Variants in TAS2R1 observed in about 807,000 individuals in gnomAD.
The protein encoded by TAS2R1 is taste receptor type 2 member 1.
For missense variants in TAS2R1, 370 were observed against 353.4 expected (o/e 1.05, Z -0.38); for synonymous variants, 141 against 134.2 (o/e 1.05, Z -0.35).
chr5:9,713,591 G>C (rs1340255424), upstream of TAS2R1, among the ~76,000 whole-genome samples: 3 of 152,130 alleles, frequency 2.0e-5, no homozygotes, highest in Non-Finnish European at 4.4e-5. Context: ...CACATGCGGT[G>C]CCTGTTGCTA....
the TAS2R1 span, among the ~76,000 whole-genome samples, chr5:9,748,482 C>T: frequency 6.6e-6 from 1 of 152,110 alleles, no homozygotes; most frequent in South Asian, 2.1e-4. Context: ...TTATTTGGCT[C>T]ATGATTCTGG....
At chr5:9,790,492 C>T in the TAS2R1 span, among the ~76,000 whole-genome samples, 20 of 152,128 alleles carry the variant, frequency 1.3e-4, no homozygotes, top group Admixed American at 1.0e-3. Flanking sequence ...TTCCCGTCAA[C>T]GGCAAGCATA....
At chr5:9,894,033 G>T in the TAS2R1 span, among the ~76,000 whole-genome samples, 1 of 152,200 alleles carries the variant, frequency 6.6e-6, no homozygotes, top group East Asian at 1.9e-4. Context: ...TGGACATGAG[G>T]TCTTTAAAGA....
At chr5:9,877,709 G>T in the TAS2R1 span, among the ~76,000 whole-genome samples, 1 of 152,338 alleles carries the variant, frequency 6.6e-6, no homozygotes, top group South Asian at 2.1e-4. Flanking sequence ...TCTCAACAGA[G>T]CCGAGAGAAA....
intron 1 of TAS2R1, among the ~76,000 whole-genome samples, chr5:9,664,004 G>C (rs1003330454): frequency 2.6e-5 from 4 of 152,078 alleles, no homozygotes; most frequent in African/African-American, 9.7e-5. Flanking sequence ...CAACACTATC[G>C]ACACCTTGAT....
At chr5:9,779,130 C>T in the TAS2R1 span, among the ~76,000 whole-genome samples, 1 of 152,198 alleles carries the variant, frequency 6.6e-6, no homozygotes, top group African/African-American at 2.4e-5. Context: ...GTGCCGTCCT[C>T]GCAGTAATGA....
rs1250817303 is a variant in TAS2R1 at position 9,627,376 on chromosome 5, C to CT, written c.*1756dup. ...TTTTAGAATTGTTTTATTATGAATT[C>CT]TTTTTTTAAACATTTCTTGATAACA... On this transcript the variant is annotated 3_prime_UTR_variant, in exon 1 of 1. Transcript: ENST00000382492. 6.6e-6 allele frequency among the ~76,000 whole-genome samples: 1 copy of CT among 152,082 alleles called. No individual in the cohort carries two copies. The highest frequency in any genetic ancestry group is 1.5e-5 in the Non-Finnish European group (1 of 68,004).
the TAS2R1 span, among the ~76,000 whole-genome samples, chr5:9,759,840 A>G: frequency 2.6e-5 from 4 of 152,194 alleles, no homozygotes; most frequent in Non-Finnish European, 4.4e-5. Context: ...CAATGTGTAG[A>G]TTCTTTTACC....
At chr5:9,896,532 C>T in the TAS2R1 span, among the ~76,000 whole-genome samples, 1 of 152,148 alleles carries the variant, frequency 6.6e-6, no homozygotes, top group Non-Finnish European at 1.5e-5. Flanking sequence ...CCGACCCAAA[C>T]CGCCGACCCA....
chr5:9,797,896 T>C, the TAS2R1 span, among the ~76,000 whole-genome samples: 3 of 152,252 alleles, frequency 2.0e-5, no homozygotes, highest in African/African-American at 4.8e-5. Context: ...ACATAAGTCA[T>C]GTTCAACTAA....
chr5:9,794,417 G>A, the TAS2R1 span, among the ~76,000 whole-genome samples: 1 of 152,038 alleles, frequency 6.6e-6, no homozygotes, highest in Non-Finnish European at 1.5e-5. Flanking sequence ...AATGCTTATG[G>A]GAATTTAACT....
chr5:9,796,721 G>GAA, the TAS2R1 span, among the ~76,000 whole-genome samples: 3 of 99,762 alleles, frequency 3.0e-5, no homozygotes, highest in Admixed American at 1.1e-4. Flanking sequence ...CTATTTTCTG[G>GAA]AAAAAAAAAA....
intron 1 of TAS2R1, among the ~76,000 whole-genome samples, chr5:9,707,178 G>T (rs1203053807): frequency 6.6e-6 from 1 of 152,152 alleles, no homozygotes; most frequent in East Asian, 1.9e-4. Flanking sequence ...GGATTTTTCT[G>T]AAGGCTCGGG....
In TAS2R1 at chr5:9,662,496, C is replaced by T. The variant is rs1013293991; in HGVS notation, c.-241-2915G>A. 2.6e-5 allele frequency among the ~76,000 whole-genome samples: 4 copies of T among 152,304 alleles called. No homozygotes were observed. The East Asian group carries it at 5.8e-4, about 22-fold the overall frequency. On this transcript the variant is annotated intron_variant, in intron 1 of 2. Transcript: ENST00000506620. ...TTCCATCCAGGAGTGACAGTTGTCA[C>T]TCCCAGCCAACTCTAAGTAAGTCAT...
the TAS2R1 span, among the ~76,000 whole-genome samples, chr5:9,830,568 G>A: frequency 1.3e-5 from 2 of 150,560 alleles, no homozygotes; most frequent in Admixed American, 1.3e-4. Context: ...GATGATAGAT[G>A]GTTGGTAGGT....
intron 1 of TAS2R1, among the ~76,000 whole-genome samples, chr5:9,669,987 G>C (rs538223874): frequency 2.6e-5 from 4 of 151,962 alleles, no homozygotes; most frequent in Middle Eastern, 6.3e-3. Context: ...GAAAGAATAA[G>C]TAAGATTGTT....
At chr5:9,689,906 C>T (rs1029875260) in intron 1 of TAS2R1, among the ~76,000 whole-genome samples, 1 of 152,110 alleles carries the variant, frequency 6.6e-6, no homozygotes, top group Non-Finnish European at 1.5e-5. Flanking sequence ...GCTTACTGCA[C>T]GAATGAGCTG....
At chr5:9,878,824 C>T in the TAS2R1 span, among the ~76,000 whole-genome samples, 1 of 152,194 alleles carries the variant, frequency 6.6e-6, no homozygotes, top group Non-Finnish European at 1.5e-5. Context: ...CTAAGCTGAG[C>T]TAAAAGCACA....
chr5:9,793,363 G>C, the TAS2R1 span, among the ~76,000 whole-genome samples: 2 of 152,206 alleles, frequency 1.3e-5, no homozygotes, highest in African/African-American at 4.8e-5. Flanking sequence ...TACCTATGCT[G>C]TTATGGGATA....
Sources: allele counts gnomAD v4.1 joint callset (sites outside exome capture counted in the v4.1 genomes callset), GRCh38; gene constraint gnomAD v4.1.1; transcripts MANE v1.5; gene names NCBI Gene and HGNC (gene_info 2026-07-23, HGNC 2026-07-21).